Variants in TRPM3 observed in about 807,000 individuals in gnomAD.
The protein encoded by TRPM3 is long transient receptor potential channel 3.
Under a neutral mutation model 181.2 loss-of-function variants are expected in TRPM3, and 77 were observed. That is an observed-to-expected ratio of 0.42 (90% CI 0.35 to 0.51). The LOEUF (loss-of-function observed/expected upper bound fraction) is 0.51. Ranked by LOEUF, TRPM3 falls within the 20% of genes least tolerant of loss-of-function variation. The pLI, the probability that TRPM3 is intolerant of heterozygous loss-of-function variation, is 0.01. For synonymous variants in TRPM3, 745 were observed against 796.4 expected (o/e 0.94, Z 1.09); for missense variants, 1,759 against 2,196.7 (o/e 0.80, Z 3.98).
intron 1 of TRPM3, among the ~76,000 whole-genome samples, chr9:70,949,640 G>C (rs183710606): frequency 4.1e-4 from 63 of 152,114 alleles, no homozygotes; most frequent in African/African-American, 1.4e-3. Flanking sequence ...CTGGGCTCAA[G>C]TGATCCTTCC....
intron 1 of TRPM3, among the ~76,000 whole-genome samples, chr9:71,051,934 A>AG (rs34882938): frequency 0.23 from 34,810 of 151,890 alleles, 4,736 homozygotes; most frequent in East Asian, 0.33. Context: ...TGTTATCTCT[A>AG]GGGGGGTTGT....
intron 1 of TRPM3, among the ~76,000 whole-genome samples, chr9:71,311,655 G>A (rs877691): frequency 0.063 from 9,536 of 151,970 alleles, 771 homozygotes; most frequent in African/African-American, 0.19. Context: ...GTGAAACTAT[G>A]TAACTTCTAG....
At chr9:70,689,069 G>A (rs2067765950) in intron 8 of TRPM3, among the ~76,000 whole-genome samples, 2 of 152,176 alleles carry the variant, frequency 1.3e-5, no homozygotes, top group African/African-American at 4.8e-5. Flanking sequence ...ACATAGCAAA[G>A]TGAATGTGGT....
intron 6 of TRPM3, chr9:70,809,920 T>C (rs2131381027): frequency 3.8e-6 from 2 of 530,870 alleles, no homozygotes; most frequent in East Asian, 1.1e-4. Flanking sequence ...GATGGAAAAT[T>C]TCATGTCATG....
At chr9:71,328,794 T>G (rs1391140766) in intron 1 of TRPM3, among the ~76,000 whole-genome samples, 1 of 152,234 alleles carries the variant, frequency 6.6e-6, no homozygotes, top group Non-Finnish European at 1.5e-5. Flanking sequence ...TATTTTTATA[T>G]TTTTATGTCT....
At chr9:70,849,173 C>A (rs2095118875) in intron 3 of TRPM3, among the ~76,000 whole-genome samples, 1 of 152,118 alleles carries the variant, frequency 6.6e-6, no homozygotes, top group Non-Finnish European at 1.5e-5. Context: ...GAGATAGAGT[C>A]TTGCACTGTT....
intron 1 of TRPM3, among the ~76,000 whole-genome samples, chr9:71,019,964 C>A (rs890708824): frequency 3.9e-5 from 6 of 152,034 alleles, no homozygotes; most frequent in African/African-American, 9.7e-5. Flanking sequence ...AGAAATGGAA[C>A]CAAATTGGTT....
intron 8 of TRPM3, among the ~76,000 whole-genome samples, chr9:70,746,768 A>T (rs2075233070): frequency 6.6e-6 from 1 of 152,180 alleles, no homozygotes; most frequent in Non-Finnish European, 1.5e-5. Context: ...CATGGGAATT[A>T]TCACTCTATT....
At chr9:71,325,161 C>A (rs2089574411) in intron 1 of TRPM3, among the ~76,000 whole-genome samples, 1 of 151,990 alleles carries the variant, frequency 6.6e-6, no homozygotes, top group Non-Finnish European at 1.5e-5. Context: ...CAAGTTTGTA[C>A]AAGTAACAAA....
rs1356606269 is a variant in TRPM3 at position 70,533,270 on chromosome 9, T to C, written c.*2683A>G. The stretch of plus-strand genomic sequence containing the variant: ...TCAATGAATAATGTTTTCACCTCCT[T>C]CTTGGATTCCTCTATAGACCCTTCA... On this transcript the variant is annotated 3_prime_UTR_variant, in exon 26 of 26. Transcript: ENST00000677713. 2 of 152,220 alleles carry C rather than the reference T, an allele frequency of 1.3e-5. No individual in the cohort carries two copies. The highest frequency in any genetic ancestry group is 2.9e-5 in the Non-Finnish European group (2 of 68,054). 9.4% of individuals were successfully genotyped at this position (152,220 alleles called of 1,614,324 possible). A position where few individuals can be genotyped will look rare whatever the true frequency, so the allele number is the denominator to read the frequency against.
At chr9:71,276,305 TG>T (rs60718312) in intron 1 of TRPM3, among the ~76,000 whole-genome samples, 76,617 of 151,930 alleles carry the variant, frequency 0.5, 19,417 homozygotes, top group African/African-American at 0.56. Context: ...TTTTTTATGT[TG>T]GGGGTAAAAG....
chr9:70,737,870 A>C (rs962446719), intron 8 of TRPM3, among the ~76,000 whole-genome samples: 2 of 152,206 alleles, frequency 1.3e-5, no homozygotes, highest in Non-Finnish European at 2.9e-5. Context: ...TCAAATTTAT[A>C]AAACAATTAC....
Position 70,620,045 on chromosome 9 carries a change from C to T in TRPM3, c.2129+31G>A, listed in dbSNP as rs574498233. On this transcript the variant is annotated intron_variant, in intron 16 of 25. Coordinates refer to ENST00000677713, the MANE Select transcript of TRPM3 (RefSeq NM_001366145.2). The stretch of plus-strand genomic sequence containing the variant: ...GGAGCCCACCTTTCCTCCTCTCCCC[C>T]TGACCAGCCCATTTTGCTGGGCGGA... 27 of 1,579,588 alleles carry T rather than the reference C, an allele frequency of 1.7e-5. No individual in the cohort carries two copies. The Admixed American group carries it at 3.1e-4, about 18-fold the overall frequency.
intron 1 of TRPM3, among the ~76,000 whole-genome samples, chr9:71,191,504 G>T (rs774788823): frequency 6.6e-6 from 1 of 151,290 alleles, no homozygotes; most frequent in Non-Finnish European, 1.5e-5. Flanking sequence ...TGTATTTGTC[G>T]TCCTTCTTTT....
intron 1 of TRPM3, among the ~76,000 whole-genome samples, chr9:71,130,835 T>A (rs1045930990): frequency 6.6e-6 from 1 of 152,196 alleles, no homozygotes; most frequent in Non-Finnish European, 1.5e-5. Flanking sequence ...TAGTGCCTGA[T>A]ACTATCCCAA....
chr9:70,624,424 T>C (rs964513976), intron 14 of TRPM3, among the ~76,000 whole-genome samples: 3 of 152,172 alleles, frequency 2.0e-5, no homozygotes, highest in African/African-American at 4.8e-5. Context: ...GCCCCCTTAG[T>C]AGCTGGGACC....
rs554725079 is a variant in TRPM3, at chr9:71,205,279, A to T, written c.183+241374T>A. Among the ~76,000 whole-genome samples, 24 of 152,246 alleles carry T rather than the reference A, an allele frequency of 1.6e-4. No individual in the cohort carries two copies. In the South Asian group the frequency reaches 5.0e-3, roughly 32 times the overall value. On this transcript the variant is annotated intron_variant, in intron 1 of 24. Transcript: ENST00000357533. ...AAAATTAATCTCATTTCAAAGATCG[A>T]GTGTTGAAAGAGGAACAAGAACGAT... is the stretch of plus-strand genomic sequence containing the variant.
chr9:71,297,925 C>T (rs1161990180), intron 1 of TRPM3, among the ~76,000 whole-genome samples: 1 of 152,134 alleles, frequency 6.6e-6, no homozygotes, highest in East Asian at 1.9e-4. Flanking sequence ...AGGTGAACGG[C>T]TCATAGCTCA....
intron 1 of TRPM3, among the ~76,000 whole-genome samples, chr9:71,396,080 G>A (rs1468731578): frequency 6.6e-6 from 1 of 152,116 alleles, no homozygotes; most frequent in African/African-American, 2.4e-5. Context: ...TATGATCAAT[G>A]GGAAACAACT....
Sources: allele counts gnomAD v4.1 joint callset (sites outside exome capture counted in the v4.1 genomes callset), GRCh38; gene constraint gnomAD v4.1.1; transcripts MANE v1.5; gene names NCBI Gene and HGNC (gene_info 2026-07-23, HGNC 2026-07-21).